SFI1: variants seen among roughly 807,000 people sequenced by gnomAD.
The protein encoded by SFI1 is SFI1 centrin binding protein.
In SFI1, 195 loss-of-function variants were observed where a neutral mutation model predicts 207.5. The ratio of observed to expected loss-of-function variants is 0.94; its 90% CI spans 0.84 to 1.06. SFI1 has a LOEUF of 1.06. Ranked by LOEUF, SFI1 falls within the 50% of genes least tolerant of loss-of-function variation. The pLI, the probability that SFI1 is intolerant of heterozygous loss-of-function variation, is 0.00. For missense variants in SFI1, 1,634 were observed against 1,588.0 expected (o/e 1.03, Z -0.49); for synonymous variants, 630 against 598.9 (o/e 1.05, Z -0.76).
intron 1 of SFI1, among the ~76,000 whole-genome samples, chr22:31,500,116 C>T (rs2053478903): frequency 2.0e-5 from 3 of 150,612 alleles, no homozygotes; most frequent in Non-Finnish European, 4.4e-5. Flanking sequence ...GTCAGTAGTT[C>T]AAGACCAGCC....
At chr22:31,597,981 G>GTTTTT (rs538696335) in intron 15 of SFI1, among the ~76,000 whole-genome samples, 1 of 144,124 alleles carries the variant, frequency 6.9e-6, no homozygotes. Context: ...GTTTTCATAG[G>GTTTTT]TTTTTTTTTT....
rs375260208 is a variant in SFI1 at position 31,542,283 on chromosome 22, A to ATG, written c.339-4564_339-4563dup. Among the ~76,000 whole-genome samples the ATG allele has an allele frequency of 8.5e-4, 129 of 151,032 alleles. 1 individual carries two copies. Among genetic ancestry groups the ATG allele is most frequent in the South Asian group, 1.3e-3 (6 of 4,782 alleles). ...CACATGCTTGTTTATATGTACACAA[A>ATG]TGTGTGTGTGTGTGTATATTTGATG... On this transcript the variant is annotated intron_variant, in intron 4 of 32. Transcript: ENST00000400288.
intron 5 of SFI1, among the ~76,000 whole-genome samples, chr22:31,550,041 C>T (rs1251411381): frequency 6.6e-6 from 1 of 151,964 alleles, no homozygotes; most frequent in Non-Finnish European, 1.5e-5. Context: ...AAGTGATTCT[C>T]CTGCCTCAGC....
At chr22:31,602,483 G>T in intron 16 of SFI1, 124 bp from the exon 17 acceptor site, 1 of 1,267,714 alleles carries the variant, frequency 7.9e-7, no homozygotes, top group Non-Finnish European at 1.1e-6. Context: ...TTCTGGGCTG[G>T]ACCACGTCCT....
chr22:31,549,844 T>A (rs963486960), intron 5 of SFI1, among the ~76,000 whole-genome samples: 2 of 151,940 alleles, frequency 1.3e-5, no homozygotes, highest in Non-Finnish European at 2.9e-5. Flanking sequence ...TTTTTTTTTT[T>A]AATCAGAAGC....
chr22:31,605,915 C>T, intron 20 of SFI1: 1 of 191,596 alleles, frequency 5.2e-6, no homozygotes, highest in Admixed American at 5.5e-5. Flanking sequence ...ACCCATCCCG[C>T]TCTTCAGACA....
chr22:31,603,669 C>G (rs1361859376), intron 17 of SFI1, 75 bp from the exon 18 acceptor site: 6 of 1,277,340 alleles, frequency 4.7e-6, no homozygotes, highest in Non-Finnish European at 6.2e-6. Context: ...GGGCTATGGA[C>G]TATGAGGAGG....
At chr22:31,504,018 G>A (rs2054243757) in intron 1 of SFI1, among the ~76,000 whole-genome samples, 1 of 152,124 alleles carries the variant, frequency 6.6e-6, no homozygotes, top group Non-Finnish European at 1.5e-5. Context: ...TTATCTGTGA[G>A]GTTACAGACG....
chr22:31,543,436 G>T (rs1259357043), intron 4 of SFI1, among the ~76,000 whole-genome samples: 1 of 152,104 alleles, frequency 6.6e-6, no homozygotes, highest in African/African-American at 2.4e-5. Context: ...ATTTGTGGTG[G>T]TTCACTCTTC....
At chr22:31,587,677 C>T (rs190089056) in intron 14 of SFI1, 1 of 152,834 alleles carries the variant, frequency 6.5e-6, no homozygotes, top group Non-Finnish European at 1.5e-5. Context: ...TGGAACCAGT[C>T]CCCCACAAAT....
chr22:31,598,062 C>T (rs971802908), intron 15 of SFI1, among the ~76,000 whole-genome samples: 18 of 151,646 alleles, frequency 1.2e-4, no homozygotes, highest in African/African-American at 4.4e-4. Flanking sequence ...ACTGCAAGCT[C>T]CACCTTCTGG....
At chr22:31,536,569 G>T (rs2059012063) in intron 4 of SFI1, among the ~76,000 whole-genome samples, 1 of 152,148 alleles carries the variant, frequency 6.6e-6, no homozygotes, top group Non-Finnish European at 1.5e-5. Flanking sequence ...ACGCCACCAT[G>T]CTCTGCTAAT....
Position 31,504,918 on chromosome 22 carries a change from C to G in SFI1, c.-30-3337C>G, listed in dbSNP as rs143187409. 6.0e-3 allele frequency among the ~76,000 whole-genome samples: 913 copies of G among 152,296 alleles called. 8 individuals carry two copies. The highest frequency in any genetic ancestry group is 0.019 in the African/African-American group (803 of 41,554). On this transcript the variant is annotated intron_variant, in intron 1 of 32. Coordinates refer to ENST00000400288, the MANE Select transcript of SFI1 (RefSeq NM_001007467.3). ...TCCCATGTGACCTCATCTTAACTTA[C>G]ATCTTAATTACTTCTGCAAAGACCC...
rs1163427800 is a variant in SFI1, at chr22:31,545,933, C to T, written c.339-928C>T. Among the ~76,000 whole-genome samples the T allele has an allele frequency of 2.0e-5, 3 of 147,758 alleles. No homozygotes were observed. The East Asian group carries it at 6.0e-4, about 30-fold the overall frequency. On this transcript the variant is annotated intron_variant, in intron 4 of 32. Coordinates refer to ENST00000400288, the MANE Select transcript of SFI1 (RefSeq NM_001007467.3). The stretch of plus-strand genomic sequence containing the variant: ...TTTGAGACAGGCTCTTACTCTTTCG[C>T]CCAGGCTGGAGTACAGTGGTGCAAT...
At chr22:31,516,373 T>A (rs1030460654) in intron 2 of SFI1, among the ~76,000 whole-genome samples, 22 of 146,564 alleles carry the variant, frequency 1.5e-4, no homozygotes, top group African/African-American at 5.6e-4. Flanking sequence ...ATTAGCTGGG[T>A]ATTGTGGTGT....
intron 4 of SFI1, among the ~76,000 whole-genome samples, chr22:31,543,065 G>A (rs552333240): frequency 2.7e-4 from 41 of 150,948 alleles, no homozygotes; most frequent in Middle Eastern, 3.4e-3. Flanking sequence ...CCGCCTCCCA[G>A]GTTCACGCCA....
intron 15 of SFI1, among the ~76,000 whole-genome samples, chr22:31,598,980 G>A (rs1288689678): frequency 6.7e-6 from 1 of 149,780 alleles, no homozygotes; most frequent in Non-Finnish European, 1.5e-5. Flanking sequence ...TTTTAGTAGA[G>A]ACGGGGTTTC....
chr22:31,548,281 T>C (rs139075556), intron 5 of SFI1, among the ~76,000 whole-genome samples: 536 of 151,118 alleles, frequency 3.5e-3, no homozygotes, highest in Non-Finnish European at 5.3e-3. Context: ...AGAAAATATA[T>C]GGGGAAGGCC....
At chr22:31,609,944 G>A (rs979923124) in intron 22 of SFI1, among the ~76,000 whole-genome samples, 3 of 152,214 alleles carry the variant, frequency 2.0e-5, no homozygotes, top group Non-Finnish European at 4.4e-5. Flanking sequence ...GAGGCGACGG[G>A]TTTGAGTGTT....
Sources: allele counts gnomAD v4.1 joint callset (sites outside exome capture counted in the v4.1 genomes callset), GRCh38; gene constraint gnomAD v4.1.1; transcripts MANE v1.5; gene names NCBI Gene and HGNC (gene_info 2026-07-23, HGNC 2026-07-21).